Variants in SLCO5A1 observed in about 807,000 individuals in gnomAD.
The protein encoded by SLCO5A1 is organic anion transporter polypeptide-related protein 4.
In SLCO5A1, 39 loss-of-function variants were observed where a neutral mutation model predicts 65.1. That is an observed-to-expected ratio of 0.60 (90% CI 0.46 to 0.78). The LOEUF (loss-of-function observed/expected upper bound fraction) is 0.78, where lower values mean the gene tolerates loss of function less well. Ranked by LOEUF, SLCO5A1 falls within the 30% of genes least tolerant of loss-of-function variation. The pLI is 0.00. For missense variants in SLCO5A1, 1,029 were observed against 1,069.4 expected (o/e 0.96, Z 0.53); for synonymous variants, 438 against 415.7 (o/e 1.05, Z -0.65).
chr8:69,697,462 G>A (rs947906050), intron 6 of SLCO5A1, among the ~76,000 whole-genome samples: 3 of 152,092 alleles, frequency 2.0e-5, no homozygotes, highest in African/African-American at 7.2e-5. Context: ...TTTAGACAGA[G>A]GGGACAAAAG....
intron 5 of SLCO5A1, among the ~76,000 whole-genome samples, chr8:69,719,922 A>G (rs1182253172): frequency 1.3e-5 from 2 of 152,230 alleles, no homozygotes; most frequent in Non-Finnish European, 1.5e-5. Context: ...GCCGGTGTAC[A>G]CATTAAATAA....
intron 6 of SLCO5A1, among the ~76,000 whole-genome samples, chr8:69,698,404 T>C (rs1237748415): frequency 6.6e-6 from 1 of 152,244 alleles, no homozygotes; most frequent in Non-Finnish European, 1.5e-5. Flanking sequence ...ATGGTAATTC[T>C]GTTTTAAGTT....
rs558025174 is a variant in SLCO5A1 at position 69,828,553 on chromosome 8, G to C, written c.907+3214C>G. ...GAAGGCGGAGCTTCCAGTGAGCCGAGACCGCTCCACTGCACTCCAGCCTGG... is the reference window on the plus strand; with the variant it reads ...GAAGGCGGAGCTTCCAGTGAGCCGACACCGCTCCACTGCACTCCAGCCTGG... On this transcript the variant is annotated intron_variant, in intron 2 of 9. Transcript: ENST00000260126. 1.8e-4 allele frequency among the ~76,000 whole-genome samples: 27 copies of C among 151,476 alleles called. No individual in the cohort carries two copies. The East Asian group carries it at 4.7e-3, about 26-fold the overall frequency.
chr8:69,672,770 G>C lies in SLCO5A1; in HGVS notation c.*99C>G. The C allele has an allele frequency of 7.7e-7, 1 of 1,292,632 alleles. No homozygotes were observed. The highest frequency in any genetic ancestry group is 2.7e-5 in the Admixed American group (1 of 37,218). 80.1% of individuals were successfully genotyped at this position (1,292,632 alleles called of 1,614,324 possible). ...TGTTGGTTTGAGGATTGTGTCTGTA[G>C]AGGTTAAAAAAAAGAAAGAAAGAAA... is the stretch of plus-strand genomic sequence containing the variant. On this transcript the variant is annotated 3_prime_UTR_variant, in exon 10 of 10. Transcript: ENST00000260126.
At chr8:69,803,811 A>T (rs1405225115) in intron 2 of SLCO5A1, among the ~76,000 whole-genome samples, 5 of 152,182 alleles carry the variant, frequency 3.3e-5, no homozygotes, top group African/African-American at 1.2e-4. Flanking sequence ...ACATAGCAAG[A>T]TTCTGTCTCC....
At chr8:69,816,464 G>A (rs1308187907) in intron 2 of SLCO5A1, among the ~76,000 whole-genome samples, 1 of 152,132 alleles carries the variant, frequency 6.6e-6, no homozygotes, top group Non-Finnish European at 1.5e-5. Flanking sequence ...GCAGCTGTGG[G>A]ACCCCCATCT....
rs182730647 is a variant in SLCO5A1 at position 69,753,582 on chromosome 8, G to A, written c.1258+1842C>T. ...GGTATTTGATATCAATCTTCTCCCC[G>A]CTTTTTTCTACTGTCCAATAGATCA... On this transcript the variant is annotated intron_variant, in intron 4 of 9. Transcript: ENST00000260126. 2.6e-4 allele frequency among the ~76,000 whole-genome samples: 40 copies of A among 152,142 alleles called. 1 individual carries two copies. Among genetic ancestry groups the A allele is most frequent in the Admixed American group, 1.3e-3 (20 of 15,280 alleles).
At chr8:69,834,751 CACACACACACACA>C (rs1199724720) in intron 1 of SLCO5A1, 90 bp downstream of exon 1, 1 of 78,562 alleles carries the variant, frequency 1.3e-5, no homozygotes, top group Non-Finnish European at 2.7e-5. Context: ...CACACACACA[CACACACACACACA>C]CACACACACA....
intron 2 of SLCO5A1, among the ~76,000 whole-genome samples, chr8:69,793,068 G>A (rs1366515626): frequency 1.3e-5 from 2 of 151,904 alleles, no homozygotes; most frequent in Non-Finnish European, 2.9e-5. Flanking sequence ...TGCAGCCTCC[G>A]CCTCCTGGGT....
In SLCO5A1 at chr8:69,784,703, G is replaced by A. The variant is rs998632555; in HGVS notation, c.908-22828C>T. On this transcript the variant is annotated intron_variant, in intron 2 of 9. Transcript: ENST00000260126. ...CCCAGGAGGCTGAGACAGGAGAATC[G>A]CTGGAAACTGGCAGGCAGAGGCTAC... 4.0e-5 allele frequency among the ~76,000 whole-genome samples: 6 copies of A among 151,300 alleles called. No homozygotes were observed. In the East Asian group the frequency reaches 5.8e-4, roughly 15 times the overall value.
At chr8:69,685,175 C>T (rs1208078914) in intron 6 of SLCO5A1, among the ~76,000 whole-genome samples, 1 of 152,188 alleles carries the variant, frequency 6.6e-6, no homozygotes, top group African/African-American at 2.4e-5. Flanking sequence ...GATCATGGTA[C>T]ACACACAAAA....
chr8:69,799,922 T>A (rs1477775979), intron 2 of SLCO5A1, among the ~76,000 whole-genome samples: 2 of 152,238 alleles, frequency 1.3e-5, no homozygotes, highest in African/African-American at 4.8e-5. Flanking sequence ...ATTTTCTTTT[T>A]TGTATTTTTC....
intron 9 of SLCO5A1, among the ~76,000 whole-genome samples, chr8:69,675,699 G>A (rs1813519241): frequency 6.6e-6 from 1 of 152,154 alleles, no homozygotes; most frequent in Admixed American, 6.5e-5. Context: ...GGGGATTCAT[G>A]CTTCAGGGGG....
At chr8:69,796,703 AT>A (rs1169476826) in intron 2 of SLCO5A1, among the ~76,000 whole-genome samples, 2 of 151,654 alleles carry the variant, frequency 1.3e-5, no homozygotes, top group South Asian at 2.1e-4. Flanking sequence ...ATGTATATAT[AT>A]TTTTTTCAAC....
chr8:69,672,827 T>C lies in SLCO5A1; in HGVS notation c.*42A>G. On this transcript the variant is annotated 3_prime_UTR_variant, in exon 10 of 10. Transcript: ENST00000260126. ...CACAGTTGTTTCTCAAGTCGCCATT[T>C]TCAATTCAACCAACAAAACTAAATT... The C allele has an allele frequency of 6.4e-7, 1 of 1,561,348 alleles. No individual in the cohort carries two copies.
Position 69,761,955 on chromosome 8 carries a change from C to T in SLCO5A1, c.908-80G>A. 6.6e-6 allele frequency: 10 copies of T among 1,526,098 alleles called. 1 individual carries two copies. In the South Asian group the frequency reaches 7.2e-5, roughly 11 times the overall value. 94.5% of individuals were successfully genotyped at this position (1,526,098 alleles called of 1,614,324 possible). A position where few individuals can be genotyped will look rare whatever the true frequency, so the allele number is the denominator to read the frequency against. On this transcript the variant is annotated intron_variant, in intron 2 of 9. Transcript: ENST00000260126. ...GAGTTCTCTCATTTCACTCTCATAC[C>T]ACAGACATCTCACAGTTCAATCCAG...
chr8:69,777,801 G>A (rs1818621534), intron 2 of SLCO5A1, among the ~76,000 whole-genome samples: 1 of 152,162 alleles, frequency 6.6e-6, no homozygotes, highest in African/African-American at 2.4e-5. Flanking sequence ...TCCAGCCGTC[G>A]AGGTCGTCGT....
chr8:69,732,897 A>AC (rs1230890714), intron 5 of SLCO5A1, among the ~76,000 whole-genome samples: 1 of 152,164 alleles, frequency 6.6e-6, no homozygotes, highest in African/African-American at 2.4e-5. Context: ...AAAAAAAAAA[A>AC]AATCACATAG....
At chr8:69,711,001 G>A (rs748112862) in intron 5 of SLCO5A1, among the ~76,000 whole-genome samples, 5 of 123,062 alleles carry the variant, frequency 4.1e-5, no homozygotes, top group Non-Finnish European at 8.7e-5. Flanking sequence ...ACAGTTCAGA[G>A]CCTTCATACT....
Sources: gnomAD v4.1 joint callset for allele counts (sites outside exome capture counted in the v4.1 genomes callset) on GRCh38, gnomAD v4.1.1 for gene constraint, MANE v1.5 for transcripts, NCBI Gene and HGNC (gene_info 2026-07-23, HGNC 2026-07-21) for gene names.